Variants in BDP1 observed in about 807,000 individuals in gnomAD.
The protein encoded by BDP1 is transcription factor TFIIIB component B'' homolog.
Under a neutral mutation model 266.6 loss-of-function variants are expected in BDP1, and 169 were observed. The ratio of observed to expected loss-of-function variants is 0.63; its 90% CI spans 0.56 to 0.72. The LOEUF (loss-of-function observed/expected upper bound fraction) is 0.72. BDP1 is among the 30% of genes least tolerant of loss of function. The pLI, the probability that BDP1 is intolerant of heterozygous loss-of-function variation, is 0.00. For synonymous variants in BDP1, 1,090 were observed against 1,022.4 expected, an observed-to-expected ratio of 1.07 and a Z score of -1.26; for missense variants, 3,015 against 3,053.8, an observed-to-expected ratio of 0.99 and a Z score of 0.30.
chr5:71,553,299 C>G lies in BDP1; in HGVS notation c.7179C>G (p.Asp2393Glu). 2 of 1,612,606 alleles carry G rather than the reference C, an allele frequency of 1.2e-6. No homozygotes were observed. The highest frequency in any genetic ancestry group is 3.3e-5 in the Admixed American group (2 of 59,994). Residue 2393 changes from aspartate (D) to glutamate (E), a missense_variant, in exon 35 of 39, where the codon GAC (aspartate) becomes GAG (glutamate). By Grantham distance (45) the Asp-to-Glu change is conservative. Around this residue, in one of 3 missense-constraint regions of BDP1, gnomAD observed 629 missense variants for 632.5 expected, o/e 0.99. Coordinates refer to ENST00000358731, the MANE Select transcript of BDP1 (RefSeq NM_018429.3). ...AKKRSLTLRD[D>E]CQEYTTEVHS... ...AACGTTCACTCACTTTAAGAGATGA[C>G]TGTCAAGAATATACCACTGAGGTAA...
chr5:71,474,049 G>A (rs948626734), intron 7 of BDP1, among the ~76,000 whole-genome samples: 13 of 149,438 alleles, frequency 8.7e-5, no homozygotes, highest in East Asian at 2.0e-4. Context: ...GGCGGATCTC[G>A]GCTCACTGCA....
chr5:71,491,693 A>T (rs1485423789), intron 11 of BDP1, among the ~76,000 whole-genome samples: 3 of 151,948 alleles, frequency 2.0e-5, no homozygotes, highest in Non-Finnish European at 4.4e-5. Context: ...GCCCTTGGCA[A>T]TCATGATTCT....
At chr5:71,526,316 C>T (rs1561752677) in intron 25 of BDP1, among the ~76,000 whole-genome samples, 6 of 147,696 alleles carry the variant, frequency 4.1e-5, no homozygotes, top group South Asian at 4.2e-4. Context: ...AAGGGACATA[C>T]TTTTTTTTTT....
At chr5:71,491,985 G>A (rs1017364609) in intron 11 of BDP1, among the ~76,000 whole-genome samples, 4 of 152,156 alleles carry the variant, frequency 2.6e-5, no homozygotes, top group Admixed American at 6.5e-5. Flanking sequence ...CAAAGTGCTG[G>A]GATTACAGGT....
At chr5:71,526,983 G>A (rs1428945662) in intron 25 of BDP1, among the ~76,000 whole-genome samples, 1 of 148,058 alleles carries the variant, frequency 6.8e-6, no homozygotes, top group Non-Finnish European at 1.5e-5. Flanking sequence ...ACCATGCCCA[G>A]CCATCTTACT....
chr5:71,511,280 G>C, intron 17 of BDP1, 129 bp downstream of exon 17: 1 of 912,612 alleles, frequency 1.1e-6, no homozygotes, highest in Non-Finnish European at 1.7e-6. Flanking sequence ...GTCTTTTGTA[G>C]CCCTAAGTTT....
chr5:71,545,057 G>T lies in BDP1; in HGVS notation c.6582G>T (p.Glu2194Asp), dbSNP rs1742181795. The part of the protein sequence containing the change: ...NLTERNENQE[E>D]SSQEVHMLSV... ...CTTTCAGAAACGAAAATCAAGAAGAGAGCTCTCAGGAGGTTCACATGTTGT... is the reference window on the plus strand; with the variant it reads ...CTTTCAGAAACGAAAATCAAGAAGATAGCTCTCAGGAGGTTCACATGTTGT... Residue 2194 changes from glutamate (E) to aspartate (D), a missense_variant, in exon 32 of 39, where the codon GAG becomes GAT. Physicochemically the swap from Glu to Asp is conservative, Grantham distance 45. Around this residue, in one of 3 missense-constraint regions of BDP1, gnomAD observed 629 missense variants for 632.5 expected, o/e 0.99. Transcript: ENST00000358731. 1 of 1,612,882 alleles carries T rather than the reference G, an allele frequency of 6.2e-7. No homozygotes were observed. Among genetic ancestry groups the T allele is most frequent in the Non-Finnish European group, 8.5e-7 (1 of 1,179,714 alleles).
chr5:71,477,037 G>C (rs1762632899), intron 7 of BDP1, among the ~76,000 whole-genome samples: 2 of 151,490 alleles, frequency 1.3e-5, no homozygotes, highest in Non-Finnish European at 2.9e-5. Flanking sequence ...GTAGAGATGG[G>C]GTTTTGCTAT....
chr5:71,532,494 C>T, intron 26 of BDP1, 67 bp downstream of exon 26: 2 of 1,483,136 alleles, frequency 1.3e-6, no homozygotes, highest in Non-Finnish European at 1.8e-6. Context: ...CTGGAGGTTC[C>T]TTTTGATAGC....
Position 71,455,899 on chromosome 5 carries a change from A to G in BDP1, c.22A>G (p.Ser8Gly). The G allele has an allele frequency of 6.2e-7, 1 of 1,600,300 alleles. No homozygotes were observed. The highest frequency in any genetic ancestry group is 8.5e-7 in the Non-Finnish European group (1 of 1,173,798). MFRRARL[S>G]VKPNVRPGVG... ...CGCCATGTTCCGCAGGGCACGCCTT[A>G]GCGTGAAGCCGAATGTCAGGCCTGG... The change falls in exon 1 of 39, where the codon AGC (serine) becomes GGC (glycine). Residue 8 changes from serine to glycine, a missense_variant. Physicochemically the swap from Ser to Gly is moderately conservative, Grantham distance 56. This residue lies in a region of BDP1 where 2,383 missense variants were observed against 2,404.9 expected (regional missense o/e 0.99). Coordinates refer to ENST00000358731, the MANE Select transcript of BDP1 (RefSeq NM_018429.3).
chr5:71,517,823 T>C (rs1397542566), intron 22 of BDP1, among the ~76,000 whole-genome samples: 2 of 152,086 alleles, frequency 1.3e-5, no homozygotes, highest in Non-Finnish European at 2.9e-5. Flanking sequence ...CCCAGCACTT[T>C]GGGAAGCCAA....
At position 71,556,850 on chromosome 5, in the gene BDP1, A is replaced by C. The variant is rs370722969; in HGVS notation, c.7201-36A>C. 3.3e-5 allele frequency: 35 copies of C among 1,061,236 alleles called. No homozygotes were observed. The African/African-American group carries it at 5.9e-4, about 18-fold the overall frequency. 65.7% of individuals were successfully genotyped at this position (1,061,236 alleles called of 1,614,324 possible). On this transcript the variant is annotated intron_variant, in intron 35 of 38. Coordinates refer to ENST00000358731, the MANE Select transcript of BDP1 (RefSeq NM_018429.3). ...AAATTAATTTCAGTTTTACTTGATA[A>C]ATTTCTAAATTTTTTTTTAAATTTT...
rs750303972 is a variant in BDP1, at chr5:71,495,263, G to T, written c.1654G>T (p.Ala552Ser). 1 of 1,561,128 alleles carries T rather than the reference G, an allele frequency of 6.4e-7. No individual in the cohort carries two copies. The highest frequency in any genetic ancestry group is 8.7e-7 in the Non-Finnish European group (1 of 1,153,444). Residue 552 changes from alanine (A) to serine (S), a missense_variant, in exon 12 of 39, where the codon GCC becomes TCC. By Grantham distance (99) the Ala-to-Ser change is moderately conservative. Coordinates refer to ENST00000358731, the MANE Select transcript of BDP1 (RefSeq NM_018429.3). ...PILSLSNQQDATSVATESSES... is the reference protein window; with the variant it reads ...PILSLSNQQDSTSVATESSES... ...TCTTTTTTTTAGTAATCAACAAGATGCCACATCAGTAGCAACTGAGTCTTC... is the reference window on the plus strand; with the variant it reads ...TCTTTTTTTTAGTAATCAACAAGATTCCACATCAGTAGCAACTGAGTCTTC...
intron 7 of BDP1, among the ~76,000 whole-genome samples, chr5:71,474,590 G>C (rs1762474587): frequency 6.6e-6 from 1 of 151,544 alleles, no homozygotes; most frequent in Non-Finnish European, 1.5e-5. Flanking sequence ...ACTCACGCCT[G>C]TAATCCTAGC....
chr5:71,483,863 A>G lies in BDP1; in HGVS notation c.1036A>G (p.Lys346Glu), dbSNP rs757934216. ...ACAGAATAAATTTAAACGGGAAGAG[A>G]AAACAAATGGATGGAGAATAGACAA... ...EIKNKFKREEKTNGWRIDKAF... is the reference protein window; with the variant it reads ...EIKNKFKREEETNGWRIDKAF... The change falls in exon 8 of 39, where the codon AAA becomes GAA. Residue 346 changes from lysine to glutamate, a missense_variant. By Grantham distance (56) the Lys-to-Glu change is moderately conservative. Coordinates refer to ENST00000358731, the MANE Select transcript of BDP1 (RefSeq NM_018429.3). 6.2e-7 allele frequency: 1 copy of G among 1,611,516 alleles called. No homozygotes were observed. Among genetic ancestry groups the G allele is most frequent in the African/African-American group, 1.3e-5 (1 of 74,856 alleles).
intron 26 of BDP1, among the ~76,000 whole-genome samples, chr5:71,533,681 C>G (rs1482197206): frequency 6.6e-6 from 1 of 151,166 alleles, no homozygotes; most frequent in Non-Finnish European, 1.5e-5. Context: ...TCAGGCTGGT[C>G]TCGTACTCCT....
chr5:71,545,962 A>C (rs780301958), intron 32 of BDP1, among the ~76,000 whole-genome samples: 3 of 151,924 alleles, frequency 2.0e-5, no homozygotes, highest in Non-Finnish European at 2.9e-5. Flanking sequence ...GTCGCCATGC[A>C]CTCCAGCCTG....
At chr5:71,501,539 AT>A (rs767924235) in intron 13 of BDP1, 22 bp from the exon 14 acceptor site, 1 of 1,352,732 alleles carries the variant, frequency 7.4e-7, no homozygotes, top group South Asian at 1.2e-5. Context: ...AAGTAGATAA[AT>A]TGTAGCAAAT....
At chr5:71,477,733 A>G (rs568263557) in intron 7 of BDP1, among the ~76,000 whole-genome samples, 2 of 150,968 alleles carry the variant, frequency 1.3e-5, no homozygotes, top group East Asian at 3.9e-4. Flanking sequence ...TAATCCTTCC[A>G]TCTCAGCATC....
Sources: gnomAD v4.1 joint callset for allele counts (sites outside exome capture counted in the v4.1 genomes callset) on GRCh38, gnomAD v4.1.1 for gene constraint, gnomAD v4.1.1 regional missense constraint, MANE v1.5 for transcripts, NCBI Gene and HGNC (gene_info 2026-07-23, HGNC 2026-07-21) for gene names.